Variants in TMTC1 observed in about 807,000 individuals in gnomAD.
The protein encoded by TMTC1 is transmembrane O-mannosyltransferase targeting cadherins 1, also known as protein O-mannosyl-transferase TMTC1.
In TMTC1, 73 loss-of-function variants were observed where a neutral mutation model predicts 104.8. That is an observed-to-expected ratio of 0.70 (90% CI 0.58 to 0.85). The LOEUF (loss-of-function observed/expected upper bound fraction) is 0.85. Among genes scored for constraint, TMTC1 ranks in the 40% least tolerant of loss-of-function variants. The probability of loss-of-function intolerance (pLI) is 0.00; values close to 1 mark genes in which losing one functional copy is unlikely to be tolerated. For missense variants in TMTC1, 1,035 were observed against 1,096.1 expected (o/e 0.94, Z 0.79); for synonymous variants, 434 against 428.7 (o/e 1.01, Z -0.15).
chr12:29,629,791 T>C (rs1340412380), intron 6 of TMTC1, among the ~76,000 whole-genome samples: 3 of 152,212 alleles, frequency 2.0e-5, no homozygotes, highest in Non-Finnish European at 4.4e-5. Context: ...ACCACTAAAT[T>C]GTACTCTTTA....
intron 8 of TMTC1, among the ~76,000 whole-genome samples, chr12:29,576,597 C>A (rs932121173): frequency 6.6e-6 from 1 of 151,716 alleles, no homozygotes; most frequent in Non-Finnish European, 1.5e-5. Flanking sequence ...ACAGAGAAAA[C>A]GAGAATAGAA....
chr12:29,510,637 TC>T (rs1299046879), intron 17 of TMTC1, among the ~76,000 whole-genome samples: 1 of 152,190 alleles, frequency 6.6e-6, no homozygotes, highest in East Asian at 1.9e-4. Context: ...TCGTAGGTCA[TC>T]TTTTTTGTGT....
At chr12:29,684,955 T>C (rs939894947) in intron 5 of TMTC1, among the ~76,000 whole-genome samples, 7 of 152,200 alleles carry the variant, frequency 4.6e-5, no homozygotes, top group African/African-American at 1.7e-4. Flanking sequence ...AATAAAATTC[T>C]ACAAACCTTT....
At chr12:29,616,406 TCA>T (rs1946978849) in intron 6 of TMTC1, among the ~76,000 whole-genome samples, 1 of 152,128 alleles carries the variant, frequency 6.6e-6, no homozygotes, top group Non-Finnish European at 1.5e-5. Flanking sequence ...AGGCGGTGGC[TCA>T]CACCTGTAAT....
At position 29,755,693 on chromosome 12, in the gene TMTC1, C is replaced by T; in HGVS notation, c.731+16G>A. The T allele has an allele frequency of 6.2e-7, 1 of 1,605,388 alleles. No individual in the cohort carries two copies. The highest frequency in any genetic ancestry group is 8.5e-7 in the Non-Finnish European group (1 of 1,174,308). On this transcript the variant is annotated intron_variant, in intron 4 of 17. Coordinates refer to ENST00000539277, the MANE Select transcript of TMTC1 (RefSeq NM_001193451.2). Reference sequence around the variant, plus strand: ...CATGACATGCCATTTGATATCAAAACTGTAAAATGACTTACGACTTGTCTT... The same window carrying T: ...CATGACATGCCATTTGATATCAAAATTGTAAAATGACTTACGACTTGTCTT...
upstream of TMTC1, among the ~76,000 whole-genome samples, chr12:29,784,057 C>G (rs1200577844): frequency 6.6e-6 from 1 of 151,872 alleles, no homozygotes; most frequent in Non-Finnish European, 1.5e-5. Context: ...TTCCCCCGCA[C>G]AGCCCGGCGC....
At position 29,572,239 on chromosome 12, in the gene TMTC1, A is replaced by G. The variant is rs148862255; in HGVS notation, c.1419-21T>C. 5.0e-4 allele frequency: 776 copies of G among 1,551,726 alleles called. 4 individuals are homozygous for G. The African/African-American group carries it at 7.2e-3, about 14-fold the overall frequency. ...CAGACCTAAAATGAATAAATTTTTA[A>G]AAAGAATTATTTGACAAAGAATATT... is the stretch of plus-strand genomic sequence containing the variant. On this transcript the variant is annotated intron_variant, in intron 8 of 17. Transcript: ENST00000539277.
At chr12:29,748,893 T>C (rs1943020968) in intron 5 of TMTC1, among the ~76,000 whole-genome samples, 1 of 152,232 alleles carries the variant, frequency 6.6e-6, no homozygotes, top group African/African-American at 2.4e-5. Context: ...AGGTAGTACA[T>C]ATTCAAAGCT....
intron 5 of TMTC1, among the ~76,000 whole-genome samples, chr12:29,741,648 T>C (rs920231825): frequency 6.6e-6 from 1 of 152,166 alleles, no homozygotes; most frequent in East Asian, 1.9e-4. Context: ...ATAGCTATTC[T>C]CTAAAAAAGA....
chr12:29,601,380 A>C (rs1248240077), intron 7 of TMTC1, among the ~76,000 whole-genome samples: 1 of 152,168 alleles, frequency 6.6e-6, no homozygotes, highest in Non-Finnish European at 1.5e-5. Context: ...CTCTGCCTTT[A>C]TTTCCTCACA....
chr12:29,714,464 G>A (rs1177880113), intron 5 of TMTC1, among the ~76,000 whole-genome samples: 4 of 152,116 alleles, frequency 2.6e-5, no homozygotes, highest in African/African-American at 9.7e-5. Flanking sequence ...CCACAAATGT[G>A]AGCCAAAACA....
chr12:29,666,181 A>C (rs577843210), intron 5 of TMTC1: 2 of 433,706 alleles, frequency 4.6e-6, no homozygotes, highest in Non-Finnish European at 9.1e-6. Flanking sequence ...AGCCAAATCA[A>C]ATTGTAAACA....
intron 8 of TMTC1, among the ~76,000 whole-genome samples, chr12:29,578,489 T>C (rs1024220984): frequency 6.6e-6 from 1 of 152,192 alleles, no homozygotes; most frequent in African/African-American, 2.4e-5. Flanking sequence ...GCTTTACCCA[T>C]ATTTATTCCA....
At position 29,781,909 on chromosome 12, in the gene TMTC1, T is replaced by C. The variant is rs141695644; in HGVS notation, c.302+1541A>G. 2.2e-3 allele frequency among the ~76,000 whole-genome samples: 335 copies of C among 152,350 alleles called. 2 individuals are homozygous for C. Among genetic ancestry groups the C allele is most frequent in the African/African-American group, 7.5e-3 (314 of 41,590 alleles). On this transcript the variant is annotated intron_variant, in intron 1 of 17. Coordinates refer to ENST00000539277, the MANE Select transcript of TMTC1 (RefSeq NM_001193451.2). ...GTCAAGAAGTGAAAACACCCTTCCCTACTCTCCAGCAAGTAGGCACAGGCA... is the reference window on the plus strand; with the variant it reads ...GTCAAGAAGTGAAAACACCCTTCCCCACTCTCCAGCAAGTAGGCACAGGCA...
intron 5 of TMTC1, among the ~76,000 whole-genome samples, chr12:29,746,987 A>G (rs1484978482): frequency 6.6e-6 from 1 of 152,212 alleles, no homozygotes; most frequent in Non-Finnish European, 1.5e-5. Flanking sequence ...TATTCAATGA[A>G]TGAATGATCC....
intron 6 of TMTC1, among the ~76,000 whole-genome samples, chr12:29,616,880 T>G: frequency 6.6e-6 from 1 of 152,044 alleles, no homozygotes; most frequent in East Asian, 1.9e-4. Context: ...TTTATAGAGA[T>G]AACATTCTCA....
chr12:29,748,979 C>A (rs2054438), intron 5 of TMTC1, among the ~76,000 whole-genome samples: 1 of 152,054 alleles, frequency 6.6e-6, no homozygotes, highest in African/African-American at 2.4e-5. Context: ...CTATTGCATC[C>A]GTCTGGTAGA....
At chr12:29,580,027 T>C (rs11050302) in intron 8 of TMTC1, among the ~76,000 whole-genome samples, 28,662 of 152,098 alleles carry the variant, frequency 0.19, 3,168 homozygotes, top group East Asian at 0.38. Flanking sequence ...GTGCTTTTTG[T>C]GTGTAAGGTT....
At chr12:29,663,601 C>T (rs1940135477) in intron 5 of TMTC1, among the ~76,000 whole-genome samples, 1 of 151,926 alleles carries the variant, frequency 6.6e-6, no homozygotes, top group Non-Finnish European at 1.5e-5. Context: ...ACTGCAACTT[C>T]TGCCTCCCGG....
Sources: allele counts gnomAD v4.1 joint callset (sites outside exome capture counted in the v4.1 genomes callset), GRCh38; gene constraint gnomAD v4.1.1; transcripts MANE v1.5; gene names NCBI Gene and HGNC (gene_info 2026-07-23, HGNC 2026-07-21).